Variants in WDR49 observed in about 807,000 individuals in gnomAD.
WDR49 encodes cilia- and flagella-associated protein 337.
A neutral mutation model predicts 119.5 loss-of-function variants in WDR49; 107 were observed. The observed-to-expected ratio is 0.90, with a 90% CI of 0.77 to 1.05. WDR49 has a LOEUF of 1.05. Ranked by LOEUF, WDR49 falls within the 50% of genes least tolerant of loss-of-function variation. The probability of loss-of-function intolerance (pLI) is 0.00; values close to 1 mark genes in which losing one functional copy is unlikely to be tolerated. For missense variants in WDR49, 1,240 were observed against 1,220.5 expected (o/e 1.02, Z -0.24); for synonymous variants, 425 against 418.8 (o/e 1.01, Z -0.18).
chr3:167,563,855 A>G (rs1362652109), intron 8 of WDR49, among the ~76,000 whole-genome samples: 3 of 152,214 alleles, frequency 2.0e-5, no homozygotes, highest in Non-Finnish European at 4.4e-5. Context: ...TATTCTTCTG[A>G]TCTAGCTGTA....
chr3:167,562,675 T>C (rs949354866), intron 8 of WDR49, among the ~76,000 whole-genome samples: 4 of 152,220 alleles, frequency 2.6e-5, no homozygotes, highest in Admixed American at 1.3e-4. Flanking sequence ...TTGTGCACTA[T>C]ACATGGTTGT....
chr3:167,497,902 A>T (rs1445190347), intron 18 of WDR49, among the ~76,000 whole-genome samples: 2 of 135,102 alleles, frequency 1.5e-5, no homozygotes, highest in East Asian at 4.2e-4. Flanking sequence ...TCAACAGGCT[A>T]GTGCAGTGGC....
chr3:167,596,187 T>A (rs187854403), intron 7 of WDR49, among the ~76,000 whole-genome samples: 6,350 of 151,962 alleles, frequency 0.042, 172 homozygotes, highest in Non-Finnish European at 0.066. Context: ...CTCACACCAG[T>A]TAGAATGGCA....
At chr3:167,512,298 T>C (rs1752006343) in intron 16 of WDR49, among the ~76,000 whole-genome samples, 2 of 152,074 alleles carry the variant, frequency 1.3e-5, no homozygotes, top group African/African-American at 4.8e-5. Context: ...TGGTGATACC[T>C]CCAGGTGCAT....
At chr3:167,631,100 A>G (rs1717349483) in intron 2 of WDR49, among the ~76,000 whole-genome samples, 1 of 150,642 alleles carries the variant, frequency 6.6e-6, no homozygotes, top group Admixed American at 6.6e-5. Context: ...GGAACATCAC[A>G]CACCGGGGCC....
At chr3:167,506,038 C>G (rs1217578855) in intron 16 of WDR49, among the ~76,000 whole-genome samples, 1 of 152,174 alleles carries the variant, frequency 6.6e-6, no homozygotes, top group Admixed American at 6.5e-5. Flanking sequence ...TCAACCTTAA[C>G]AGCTACAAGT....
intron 13 of WDR49, among the ~76,000 whole-genome samples, chr3:167,530,479 A>G (rs1343407483): frequency 6.6e-6 from 1 of 152,080 alleles, no homozygotes; most frequent in African/African-American, 2.4e-5. Flanking sequence ...GCAAATGGTT[A>G]TTTCACTTAC....
At position 167,576,031 on chromosome 3, in the gene WDR49, T is replaced by A; in HGVS notation, c.1396A>T (p.Ile466Phe). ...AATGCTAGCTGGTTATTAAACGAGA[T>A]GAAAAGTCGTCCATGGGCTTCATCA... The part of the protein sequence containing the change: ...HFDEAHGRLF[I>F]SFNNQLALLA... Residue 466 changes from isoleucine to phenylalanine, a missense_variant, in exon 8 of 19, where the codon ATC becomes TTC. Ile to Phe is a conservative substitution (Grantham distance 21). Transcript: ENST00000682715. 6.2e-7 allele frequency: 1 copy of A among 1,614,144 alleles called. No homozygotes were observed. Among genetic ancestry groups the A allele is most frequent in the African/African-American group, 1.3e-5 (1 of 75,040 alleles).
chr3:167,547,309 T>C (rs1055344231), intron 10 of WDR49, among the ~76,000 whole-genome samples: 7 of 151,914 alleles, frequency 4.6e-5, no homozygotes, highest in African/African-American at 1.4e-4. Context: ...AGCTATTTAT[T>C]GAGTTCCTAC....
intron 16 of WDR49, 56 bp from the exon 17 acceptor site, chr3:167,505,472 T>C: frequency 6.9e-7 from 1 of 1,439,204 alleles, no homozygotes. Flanking sequence ...ATGGAGAAAC[T>C]CTTTCTGGCT....
At chr3:167,536,648 C>G (rs1753038686) in intron 11 of WDR49, among the ~76,000 whole-genome samples, 1 of 149,924 alleles carries the variant, frequency 6.7e-6, no homozygotes, top group South Asian at 2.1e-4. Flanking sequence ...CCACTGCACT[C>G]TAGCCTGGGC....
chr3:167,505,463 T>G, intron 16 of WDR49, 47 bp from the exon 17 acceptor site: 1 of 1,458,936 alleles, frequency 6.9e-7, no homozygotes, highest in South Asian at 1.4e-5. Flanking sequence ...ACCACAGGGA[T>G]GGAGAAACTC....
chr3:167,562,923 G>A (rs1305487154), intron 8 of WDR49, among the ~76,000 whole-genome samples: 1 of 152,154 alleles, frequency 6.6e-6, no homozygotes, highest in South Asian at 2.1e-4. Context: ...AATCATAAAA[G>A]TTAGGTAGTG....
intron 3 of WDR49, among the ~76,000 whole-genome samples, chr3:167,624,784 A>T (rs1231490876): frequency 6.6e-6 from 1 of 152,128 alleles, no homozygotes; most frequent in African/African-American, 2.4e-5. Context: ...GCACATAGAT[A>T]TAAAAAAATC....
chr3:167,547,376 A>T (rs556462927), intron 10 of WDR49, among the ~76,000 whole-genome samples: 4 of 151,828 alleles, frequency 2.6e-5, no homozygotes, highest in Non-Finnish European at 5.9e-5. Flanking sequence ...GAATCATTTA[A>T]AATTATATGA....
chr3:167,557,139 G>C (rs970361247), intron 9 of WDR49, among the ~76,000 whole-genome samples: 8 of 152,264 alleles, frequency 5.3e-5, no homozygotes, highest in African/African-American at 1.9e-4. Context: ...AGCGGTTGCA[G>C]TGAGACAGGA....
intron 15 of WDR49, among the ~76,000 whole-genome samples, chr3:167,526,668 G>A (rs1414473612): frequency 6.6e-6 from 1 of 152,124 alleles, no homozygotes; most frequent in African/African-American, 2.4e-5. Context: ...CATTGAGACT[G>A]TCGTCTAGCC....
intron 2 of WDR49, among the ~76,000 whole-genome samples, chr3:167,635,881 C>G (rs558778521): frequency 6.6e-5 from 10 of 151,682 alleles, no homozygotes; most frequent in African/African-American, 2.4e-4. Context: ...GTTAGGTATA[C>G]GTATTTGTTC....
intron 15 of WDR49, among the ~76,000 whole-genome samples, chr3:167,523,078 G>A (rs1465702125): frequency 2.0e-5 from 3 of 152,096 alleles, no homozygotes; most frequent in African/African-American, 4.8e-5. Flanking sequence ...CATGCACACA[G>A]AATGTTCCAG....
Sources: allele counts gnomAD v4.1 joint callset (sites outside exome capture counted in the v4.1 genomes callset), GRCh38; gene constraint gnomAD v4.1.1; transcripts MANE v1.5; gene names NCBI Gene and HGNC (gene_info 2026-07-23, HGNC 2026-07-21).